Variants in SLC9A6 observed in about 807,000 individuals in gnomAD.
SLC9A6 encodes sodium/hydrogen exchanger 6.
In SLC9A6, 6 loss-of-function variants were observed where a neutral mutation model predicts 45.3. That is an observed-to-expected ratio of 0.13 (90% confidence interval 0.07 to 0.26). The LOEUF (loss-of-function observed/expected upper bound fraction) is 0.26. Ranked by LOEUF, SLC9A6 falls within the 10% of genes least tolerant of loss-of-function variation. The pLI is 1.00. For synonymous variants in SLC9A6, 191 were observed against 187.7 expected (o/e 1.02, Z -0.14); for missense variants, 278 against 503.7 (o/e 0.55, Z 4.29).
chrX:136,002,154 C>A lies in SLC9A6; in HGVS notation c.684C>A (p.Leu228=), dbSNP rs1556617442. Residue 228 remains leucine, a synonymous_variant, in exon 7 of 18, where the codon CTC becomes CTA. Transcript: ENST00000630721. ...IFHELQVDVE[L]YALLFGESVL... ...ACGAGCTTCAAGTTGATGTTGAACT[C>A]TATGCACTTCTTTTTGGTGAAAGTG... is the stretch of plus-strand genomic sequence containing the variant. The A allele has an allele frequency of 1.7e-6, 2 of 1,208,388 alleles. No homozygotes were observed.
chrX:135,983,404 G>A (rs1346368963), upstream of SLC9A6: 3 of 110,750 alleles, frequency 2.7e-5, no homozygotes, highest in East Asian at 8.5e-4. Flanking sequence ...GTTCCAAGGA[G>A]CACACCGACT....
At chrX:136,021,503 GTT>G (rs1556619919) in intron 11 of SLC9A6, among the ~76,000 whole-genome samples, 3 of 112,382 alleles carry the variant, frequency 2.7e-5, no homozygotes, top group African/African-American at 9.7e-5. Context: ...GTTTTCCAAA[GTT>G]ACTTAGACCA....
chrX:135,975,848 A>T (rs782611669), intron 1 of SLC9A6, among the ~76,000 whole-genome samples: 1 of 110,818 alleles, frequency 9.0e-6, no homozygotes, highest in Non-Finnish European at 1.9e-5. Flanking sequence ...ATAGTAGCAC[A>T]TGCTTGTAGT....
At chrX:136,005,183 G>A (rs1283247466) in intron 7 of SLC9A6, among the ~76,000 whole-genome samples, 8 of 112,319 alleles carry the variant, frequency 7.1e-5, no homozygotes, top group African/African-American at 2.3e-4. Context: ...AAAATTGCCT[G>A]TTTCCTGCAT....
At chrX:136,039,656 C>T (rs977930758) in intron 16 of SLC9A6, among the ~76,000 whole-genome samples, 9 of 112,003 alleles carry the variant, frequency 8.0e-5, no homozygotes, top group African/African-American at 2.9e-4. Context: ...AATTTAATTT[C>T]CTCTCTGGCC....
chrX:136,027,492 G>A (rs1381854255), intron 13 of SLC9A6, among the ~76,000 whole-genome samples: 1 of 111,823 alleles, frequency 8.9e-6, no homozygotes, highest in Non-Finnish European at 1.9e-5. Context: ...AGGAAGTGAG[G>A]TTGGCAAGAT....
intron 7 of SLC9A6, 112 bp from the exon 8 acceptor site, chrX:136,010,330 G>A (rs1187520927): frequency 2.2e-6 from 2 of 896,790 alleles, no homozygotes; most frequent in African/African-American, 2.0e-5. Context: ...AATTCCAATC[G>A]AAAGCTTGTT....
At chrX:135,982,767 C>T (rs1204982528), upstream of SLC9A6, among the ~76,000 whole-genome samples, 1 of 112,529 alleles carries the variant, frequency 8.9e-6, no homozygotes, top group Non-Finnish European at 1.9e-5. Flanking sequence ...AGCCACCATG[C>T]CTGGCCAATT....
chrX:135,985,507 C>T lies in SLC9A6; in HGVS notation c.-57+30C>T, dbSNP rs1334602422. The T allele has an allele frequency of 9.1e-6, 10 of 1,100,428 alleles. No individual in the cohort carries two copies. The highest frequency in any genetic ancestry group is 2.2e-5 in the South Asian group (1 of 44,635). 90.7% of individuals were successfully genotyped at this position (1,100,428 alleles called of 1,213,427 possible). On this transcript the variant is annotated intron_variant, in intron 1 of 17. Transcript: ENST00000630721. ...GGGCGGGAGGCGGGGGGAGACATGGCTCGGCGCGGCTGGCGGCGGGCACCC... is the reference window on the plus strand; with the variant it reads ...GGGCGGGAGGCGGGGGGAGACATGGTTCGGCGCGGCTGGCGGCGGGCACCC...
chrX:136,021,118 G>T (rs982688175), intron 11 of SLC9A6, among the ~76,000 whole-genome samples: 3 of 110,783 alleles, frequency 2.7e-5, no homozygotes, highest in Non-Finnish European at 5.7e-5. Context: ...AGTTAGATAT[G>T]TATATATCTA....
chrX:136,041,790 A>G (rs2071515878), intron 17 of SLC9A6, among the ~76,000 whole-genome samples: 1 of 111,975 alleles, frequency 8.9e-6, no homozygotes, highest in African/African-American at 3.2e-5. Context: ...ATCATCTCTT[A>G]TTTCTGGAGG....
chrX:135,990,314 G>A (rs1306678245), intron 2 of SLC9A6, among the ~76,000 whole-genome samples: 3 of 111,618 alleles, frequency 2.7e-5, no homozygotes, highest in Non-Finnish European at 5.6e-5. Flanking sequence ...GCCTGTTAGT[G>A]GTCATTTAAA....
chrX:135,986,964 A>G (rs1358400071), intron 2 of SLC9A6, among the ~76,000 whole-genome samples: 1 of 111,703 alleles, frequency 9.0e-6, no homozygotes, highest in Non-Finnish European at 1.9e-5. Context: ...ACTTGCAGAT[A>G]GGTAGATGAA....
intron 2 of SLC9A6, among the ~76,000 whole-genome samples, chrX:135,988,457 TTTC>T (rs1446291207): frequency 5.7e-5 from 6 of 105,793 alleles, no homozygotes; most frequent in African/African-American, 2.1e-4. Flanking sequence ...TTCTCTCTCT[TTTC>T]TTTCTTTCTT....
upstream of SLC9A6, among the ~76,000 whole-genome samples, chrX:135,984,364 G>A (rs1326614897): frequency 8.9e-6 from 1 of 111,836 alleles, no homozygotes; most frequent in Non-Finnish European, 1.9e-5. Context: ...GGTGGTAGGA[G>A]CCTCAACAGG....
At chrX:136,020,947 A>T (rs1336747892) in intron 11 of SLC9A6, among the ~76,000 whole-genome samples, 4 of 108,995 alleles carry the variant, frequency 3.7e-5, no homozygotes, top group Admixed American at 3.0e-4. Flanking sequence ...CAGCCCAAGA[A>T]TTGGCCATTT....
In SLC9A6 at chrX:136,033,569, G is replaced by A. The variant is rs2071364772; in HGVS notation, c.1661+76G>A. On this transcript the variant is annotated intron_variant, in intron 16 of 17. Coordinates refer to ENST00000630721, the MANE Select transcript of SLC9A6 (RefSeq NM_001379110.1). ...TACAGTTTAATGGAACAAGTGTTTT[G>A]ACTATTCTCTTCCTGGAGCAGAATA... 4 of 580,936 alleles carry A rather than the reference G, an allele frequency of 6.9e-6. No homozygotes were observed. In the Admixed American group the frequency reaches 9.7e-5, roughly 14 times the overall value. The allele number at this position is 580,936 out of a possible 1,213,427, so 47.9% of individuals were successfully genotyped here.
intron 7 of SLC9A6, among the ~76,000 whole-genome samples, chrX:136,005,406 C>T (rs1331176287): frequency 8.9e-6 from 1 of 112,662 alleles, no homozygotes; most frequent in African/African-American, 3.2e-5. Flanking sequence ...GCCGGCTGGG[C>T]GCAGTGGCTC....
At chrX:136,037,981 C>T (rs2071440514) in intron 16 of SLC9A6, among the ~76,000 whole-genome samples, 1 of 112,040 alleles carries the variant, frequency 8.9e-6, no homozygotes, top group East Asian at 2.8e-4. Context: ...TGATCTATGA[C>T]TAATTATTTT....
Sources: allele counts gnomAD v4.1 joint callset (sites outside exome capture counted in the v4.1 genomes callset), GRCh38; gene constraint gnomAD v4.1.1; transcripts MANE v1.5; gene names NCBI Gene and HGNC (gene_info 2026-07-23, HGNC 2026-07-21).